The following NRXN1 variants were observed in gnomAD, a reference collection of about 807,000 sequenced individuals.
NRXN1 encodes neurexin-1.
A neutral mutation model predicts 150.9 loss-of-function variants in NRXN1; 39 were observed. That is an observed-to-expected ratio of 0.26 (90% CI 0.20 to 0.34). NRXN1 has a LOEUF of 0.34. Among genes scored for constraint, NRXN1 ranks in the 10% least tolerant of loss-of-function variants. The pLI is 1.00. For missense variants in NRXN1, 1,815 were observed against 1,949.9 expected (o/e 0.93, Z 1.30); for synonymous variants, 924 against 757.0 (o/e 1.22, Z -3.62).
intron 5 of NRXN1, among the ~76,000 whole-genome samples, chr2:50,805,255 C>T (rs1452175323): frequency 6.6e-6 from 1 of 151,992 alleles, no homozygotes; most frequent in African/African-American, 2.4e-5. Context: ...TGTTTTATTA[C>T]ACCTCTAAAA....
intron 15 of NRXN1, among the ~76,000 whole-genome samples, chr2:50,474,618 C>G (rs61331194): frequency 0.065 from 8,993 of 138,068 alleles, 966 homozygotes; most frequent in African/African-American, 0.23. Flanking sequence ...CAGTCTCACA[C>G]AACGTTCCGT....
chr2:50,393,928 A>G (rs2081900496), intron 17 of NRXN1, among the ~76,000 whole-genome samples: 1 of 152,114 alleles, frequency 6.6e-6, no homozygotes, highest in Non-Finnish European at 1.5e-5. Flanking sequence ...CCATGTTGCC[A>G]TTTTCTAGGT....
intron 5 of NRXN1, among the ~76,000 whole-genome samples, chr2:50,800,688 T>G (rs1707467987): frequency 6.6e-6 from 1 of 152,130 alleles, no homozygotes; most frequent in Admixed American, 6.5e-5. Context: ...TAGTTGGAAT[T>G]ACAGGCATGC....
At chr2:49,974,264 T>G in intron 21 of NRXN1, 1 of 617,658 alleles carries the variant, frequency 1.6e-6, no homozygotes, top group South Asian at 1.6e-5. Flanking sequence ...CAGGAAGGGA[T>G]GCTGCAGTTC....
intron 17 of NRXN1, among the ~76,000 whole-genome samples, chr2:50,302,060 ATTTCT>A (rs2074201911): frequency 6.6e-6 from 1 of 152,172 alleles, no homozygotes; most frequent in African/African-American, 2.4e-5. Flanking sequence ...TTTTTAAAAA[ATTTCT>A]TTTAAGAACC....
At position 50,121,416 on chromosome 2, in the gene NRXN1, A is replaced by G. The variant is rs557036563; in HGVS notation, c.3547-29922T>C. On this transcript the variant is annotated intron_variant, in intron 18 of 22. Coordinates refer to ENST00000401669, the MANE Select transcript of NRXN1 (RefSeq NM_001330078.2). ...TTACATATGATGAAACTAAGGCACA[A>G]AGAACAATGATCACACAGCTAGTCA... 6.6e-5 allele frequency among the ~76,000 whole-genome samples: 10 copies of G among 152,356 alleles called. No homozygotes were observed. In the South Asian group the frequency reaches 2.1e-3, roughly 32 times the overall value.
chr2:50,408,887 C>T (rs1487592309), intron 17 of NRXN1, among the ~76,000 whole-genome samples: 2 of 147,818 alleles, frequency 1.4e-5, no homozygotes, highest in Non-Finnish European at 3.0e-5. Context: ...TATTTATATG[C>T]TCTAAATCTG....
chr2:50,391,190 A>G (rs6545167), intron 17 of NRXN1, among the ~76,000 whole-genome samples: 89,558 of 151,740 alleles, frequency 0.59, 29,505 homozygotes, highest in East Asian at 0.92. Flanking sequence ...GATATGTTAG[A>G]GAGTTTCACA....
intron 5 of NRXN1, among the ~76,000 whole-genome samples, chr2:50,693,311 TA>T (rs1692333140): frequency 6.6e-6 from 1 of 151,898 alleles, no homozygotes. Context: ...CTATAGGAGG[TA>T]GACTGAGGTG....
chr2:50,185,303 T>C (rs898746020), intron 18 of NRXN1, among the ~76,000 whole-genome samples: 5 of 152,106 alleles, frequency 3.3e-5, no homozygotes, highest in African/African-American at 1.2e-4. Context: ...CAGTATAGAA[T>C]GGTGTTTAAG....
chr2:50,532,183 T>C (rs771438003), intron 10 of NRXN1, among the ~76,000 whole-genome samples: 2 of 152,130 alleles, frequency 1.3e-5, no homozygotes, highest in Non-Finnish European at 2.9e-5. Flanking sequence ...TGACTAGTTC[T>C]GTGAAATTAG....
chr2:50,564,550 A>G (rs1669579403), intron 8 of NRXN1, among the ~76,000 whole-genome samples: 1 of 152,220 alleles, frequency 6.6e-6, no homozygotes, highest in South Asian at 2.1e-4. Context: ...TTAAAGGCAT[A>G]TAAATGACAG....
intron 17 of NRXN1, chr2:50,463,873 T>TAGTTG (rs2088519202): frequency 1.3e-5 from 2 of 151,628 alleles, no homozygotes; most frequent in South Asian, 4.1e-4. Context: ...CTACCACATG[T>TAGTTG]AGTCATACAT....
At chr2:50,971,558 G>A (rs1695003756) in intron 2 of NRXN1, among the ~76,000 whole-genome samples, 2 of 151,868 alleles carry the variant, frequency 1.3e-5, no homozygotes, top group African/African-American at 4.8e-5. Flanking sequence ...ACTCCAGCCT[G>A]GGTGACAAGA....
intron 2 of NRXN1, among the ~76,000 whole-genome samples, chr2:50,943,175 G>A (rs187107827): frequency 2.0e-5 from 3 of 152,140 alleles, no homozygotes; most frequent in Admixed American, 2.0e-4. Flanking sequence ...AAAGTCTCCT[G>A]AGGCCTCCCA....
intron 5 of NRXN1, among the ~76,000 whole-genome samples, chr2:50,921,603 A>G (rs1267204402): frequency 6.6e-6 from 1 of 151,846 alleles, no homozygotes; most frequent in Non-Finnish European, 1.5e-5. Flanking sequence ...ACTGACACCG[A>G]AACTTGTAGC....
rs1696361289 is a variant in NRXN1 at position 50,979,045 on chromosome 2, A to T, written c.772+48457T>A. Among the ~76,000 whole-genome samples the T allele has an allele frequency of 2.6e-5, 4 of 152,000 alleles. No individual in the cohort carries two copies. The South Asian group carries it at 8.3e-4, about 32-fold the overall frequency. ...ATTTCAGCATAACTCATATGTCCCA[A>T]CTCTCCTCTAGGATTTTCTAAATTT... On this transcript the variant is annotated intron_variant, in intron 2 of 22. Transcript: ENST00000401669.
chr2:50,410,053 C>T (rs2083034230), intron 17 of NRXN1, among the ~76,000 whole-genome samples: 1 of 152,126 alleles, frequency 6.6e-6, no homozygotes, highest in Non-Finnish European at 1.5e-5. Context: ...TGTCCTGTGT[C>T]CTTCCCATCA....
chr2:50,149,572 C>A (rs2058578172), intron 18 of NRXN1, among the ~76,000 whole-genome samples: 1 of 151,664 alleles, frequency 6.6e-6, no homozygotes, highest in Non-Finnish European at 1.5e-5. Flanking sequence ...TGCTCCTGGG[C>A]TCCCATAGCA....
Sources: gnomAD v4.1 joint callset for allele counts (sites outside exome capture counted in the v4.1 genomes callset) on GRCh38, gnomAD v4.1.1 for gene constraint, MANE v1.5 for transcripts, NCBI Gene and HGNC (gene_info 2026-07-23, HGNC 2026-07-21) for gene names.